The following OTUD5 variants were observed in gnomAD, a reference collection of about 807,000 sequenced individuals.
OTUD5 encodes the protein OTU domain-containing protein 5.
OTUD5 carries 2 observed loss-of-function variants against 36.3 expected under a neutral mutation model. The ratio of observed to expected loss-of-function variants is 0.06; its 90% CI spans 0.02 to 0.17. OTUD5 has a LOEUF of 0.17. Ranked by LOEUF, OTUD5 falls within the 10% of genes least tolerant of loss-of-function variation. The pLI is 1.00. For missense variants in OTUD5, 233 were observed against 512.3 expected (o/e 0.45, Z 5.26); for synonymous variants, 234 against 214.9 (o/e 1.09, Z -0.78).
chrX:48,923,952 G>A lies in OTUD5; in HGVS notation c.1364C>T (p.Ser455Leu), dbSNP rs1557047058. The change falls in exon 7 of 9, where the codon TCG (serine) becomes TTG (leucine). Residue 455 changes from serine to leucine, a missense_variant. Ser to Leu is a moderately radical substitution (Grantham distance 145). This residue lies in a region of OTUD5 where 57 missense variants were observed against 133.1 expected (regional missense o/e 0.43). Transcript: ENST00000376488. Reference protein sequence around the residue: ...SRSPRQRSSASSPEHPELHAE... With the variant: ...SRSPRQRSSALSPEHPELHAE... ...ATGCAGCTCAGGGTGCTCAGGTGAC[G>A]AGGCTGAACTCCGCTGCCGCGGGGA... 1.7e-6 allele frequency: 2 copies of A among 1,211,040 alleles called. No homozygotes were observed. Among genetic ancestry groups the A allele is most frequent in the Non-Finnish European group, 2.2e-6 (2 of 894,819 alleles).
At chrX:48,954,159 G>A (rs782419352) in intron 1 of OTUD5, among the ~76,000 whole-genome samples, 2 of 110,478 alleles carry the variant, frequency 1.8e-5, no homozygotes, top group South Asian at 7.7e-4. Context: ...ATGAGGTCTC[G>A]CTATGTTGCC....
At chrX:48,947,321 G>A (rs1557052646) in intron 1 of OTUD5, among the ~76,000 whole-genome samples, 1 of 110,859 alleles carries the variant, frequency 9.0e-6, no homozygotes, top group Non-Finnish European at 1.9e-5. Context: ...GGAGACAGAA[G>A]TTGCAGTGAG....
intron 2 of OTUD5, among the ~76,000 whole-genome samples, chrX:48,941,570 T>G (rs980065112): frequency 1.0e-4 from 11 of 109,957 alleles, no homozygotes; most frequent in Non-Finnish European, 2.1e-4. Context: ...TTTTCACCTG[T>G]CTCATGGGAT....
At chrX:48,956,572 T>C (rs1212772410) in intron 1 of OTUD5, among the ~76,000 whole-genome samples, 1 of 111,381 alleles carries the variant, frequency 9.0e-6, no homozygotes, top group East Asian at 2.8e-4. Flanking sequence ...AATCTCAAAC[T>C]TCTATCCCAG....
chrX:48,932,359 C>T (rs2063769115), intron 5 of OTUD5, among the ~76,000 whole-genome samples: 1 of 109,936 alleles, frequency 9.1e-6, no homozygotes. Flanking sequence ...GAGTCTCGCT[C>T]CGTCACCCAG....
chrX:48,953,937 A>G (rs782118955), intron 1 of OTUD5, among the ~76,000 whole-genome samples: 17 of 110,649 alleles, frequency 1.5e-4, no homozygotes, highest in Middle Eastern at 9.2e-3. Context: ...CCCTAGTGAC[A>G]GTTTAGGACC....
At chrX:48,930,113 T>C (rs1276238392) in intron 5 of OTUD5, among the ~76,000 whole-genome samples, 1 of 110,832 alleles carries the variant, frequency 9.0e-6, no homozygotes, top group African/African-American at 3.3e-5. Context: ...CAAAAAATAA[T>C]AATAATAAAA....
At chrX:48,927,166 G>A (rs2063679840) in intron 5 of OTUD5, among the ~76,000 whole-genome samples, 1 of 111,593 alleles carries the variant, frequency 9.0e-6, no homozygotes, top group Non-Finnish European at 1.9e-5. Context: ...TAAAAAAATA[G>A]TCAAAAAATC....
At chrX:48,933,924 G>A (rs1482926390) in intron 5 of OTUD5, among the ~76,000 whole-genome samples, 2 of 111,555 alleles carry the variant, frequency 1.8e-5, no homozygotes, top group African/African-American at 3.3e-5. Context: ...GAGAGAGAGA[G>A]AAATGAATGA....
Position 48,934,850 on chromosome X carries a change from G to A in OTUD5, c.771C>T (p.Tyr257=). Residue 257 remains tyrosine (Y), a synonymous_variant, in exon 4 of 9, where the codon TAC becomes TAT. Coordinates refer to ENST00000376488, the MANE Select transcript of OTUD5 (RefSeq NM_001136157.2). Reference sequence around the variant, plus strand: ...AGTCCTCTGTGACATAGTTGGAGAAGTAGTCGGCATTCTTCATCTGCAGAA... The same window carrying A: ...AGTCCTCTGTGACATAGTTGGAGAAATAGTCGGCATTCTTCATCTGCAGAA... ...CMDYLMKNAD[Y]FSNYVTEDFT... is the part of the protein sequence containing the mutation. 8.3e-7 allele frequency: 1 copy of A among 1,210,705 alleles called. No individual in the cohort carries two copies. The highest frequency in any genetic ancestry group is 1.8e-5 in the South Asian group (1 of 56,966).
At chrX:48,924,809 T>G (rs1310744744) in intron 6 of OTUD5, among the ~76,000 whole-genome samples, 1 of 112,321 alleles carries the variant, frequency 8.9e-6, no homozygotes, top group Non-Finnish European at 1.9e-5. Flanking sequence ...CTCTACACTT[T>G]CCATCCATAG....
rs1557046892 is a variant in OTUD5, at chrX:48,923,655, C to T, written c.1557G>A (p.Gln519=). 8.3e-7 allele frequency: 1 copy of T among 1,205,780 alleles called. No individual in the cohort carries two copies. ...YPALECRALI[Q]QMSPSAFGLN... ...TACCAAAGGCAGAGGGGGACATCTG[C>T]TGAATGAGGGCCCGGCACTCCAAAG... Residue 519 remains glutamine, a synonymous_variant, in exon 8 of 9, where the codon CAG becomes CAA. Coordinates refer to ENST00000376488, the MANE Select transcript of OTUD5 (RefSeq NM_001136157.2).
chrX:48,925,870 G>T lies in OTUD5; in HGVS notation c.1240C>A (p.Arg414Ser). ...QWLRDQEKQA[R>S]QVRGPSQPRK... ...ACCTGGCTGGGGCCTCGGACCTGGC[G>T]AGCCTGTTTCTCCTGATCCCGCAAC... Residue 414 changes from arginine (R) to serine (S), a missense_variant, in exon 6 of 9, where the codon CGC becomes AGC. Transcript: ENST00000376488. The T allele has an allele frequency of 8.3e-7, 1 of 1,210,179 alleles. No individual in the cohort carries two copies.
chrX:48,929,334 G>C (rs986852608), intron 5 of OTUD5, among the ~76,000 whole-genome samples: 6 of 110,329 alleles, frequency 5.4e-5, no homozygotes, highest in Non-Finnish European at 1.1e-4. Context: ...GTTGCAGTGA[G>C]CCGAGATCGC....
chrX:48,936,301 C>T (rs782006879), intron 2 of OTUD5: 1 of 112,207 alleles, frequency 8.9e-6, no homozygotes, highest in South Asian at 3.7e-4. Flanking sequence ...GCTTGAGGAT[C>T]TTCACACATG....
At position 48,922,649 on chromosome X, in the gene OTUD5, G is replaced by T; in HGVS notation, c.*525C>A. ...GATTAGTTGATTTTATAAGATAAAA[G>T]TAATTTTAATAAAGAAAAAATTCAA... On this transcript the variant is annotated 3_prime_UTR_variant, in exon 9 of 9. Coordinates refer to ENST00000376488, the MANE Select transcript of OTUD5 (RefSeq NM_001136157.2). 1.3e-6 allele frequency: 1 copy of T among 753,791 alleles called. No individual in the cohort carries two copies. Among genetic ancestry groups the T allele is most frequent in the African/African-American group, 2.3e-5 (1 of 43,811 alleles). 62.1% of individuals were successfully genotyped at this position (753,791 alleles called of 1,213,427 possible).
chrX:48,946,263 A>G (rs2064027620), intron 1 of OTUD5, among the ~76,000 whole-genome samples: 1 of 112,252 alleles, frequency 8.9e-6, no homozygotes, highest in South Asian at 3.7e-4. Context: ...TCAGTTTCCT[A>G]TAGAATGGGG....
At chrX:48,927,631 C>A (rs1439841761) in intron 5 of OTUD5, among the ~76,000 whole-genome samples, 1 of 111,781 alleles carries the variant, frequency 8.9e-6, no homozygotes, top group Non-Finnish European at 1.9e-5. Context: ...CATGCCCTCC[C>A]TGGGGTGCCA....
At chrX:48,957,635 A>AG (rs1264681912), upstream of OTUD5, 99 of 782,129 alleles carry the variant, frequency 1.3e-4, no homozygotes, top group Middle Eastern at 5.5e-4. Context: ...AACCCGGATG[A>AG]GGGGGCTAGT....
Sources: allele counts gnomAD v4.1 joint callset (sites outside exome capture counted in the v4.1 genomes callset), GRCh38; gene constraint gnomAD v4.1.1; regional missense constraint gnomAD v4.1.1; transcripts MANE v1.5; gene names NCBI Gene and HGNC (gene_info 2026-07-23, HGNC 2026-07-21).